The following MTOR variants were observed in gnomAD, a reference collection of about 807,000 sequenced individuals.
The protein encoded by MTOR is mechanistic target of rapamycin kinase.
In MTOR, 70 loss-of-function variants were observed where a neutral mutation model predicts 319.8. That is an observed-to-expected ratio of 0.22 (90% CI 0.18 to 0.27). MTOR has a LOEUF of 0.27. Ranked by LOEUF, MTOR falls within the 10% of genes least tolerant of loss-of-function variation. MTOR has a pLI of 1.00. For synonymous variants in MTOR, 1,183 were observed against 1,211.4 expected (o/e 0.98, Z 0.49); for missense variants, 1,890 against 3,274.4 (o/e 0.58, Z 10.32).
rs570279584 is a variant in MTOR at position 11,184,592 on chromosome 1, G to T, written c.4253+14666C>A. Among the ~76,000 whole-genome samples, 48 of 152,192 alleles carry T rather than the reference G, an allele frequency of 3.2e-4. No homozygotes were observed. The South Asian group carries it at 7.9e-3, about 25-fold the overall frequency. On this transcript the variant is annotated intron_variant, in intron 28 of 57. Transcript: ENST00000361445. Reference sequence around the variant, plus strand: ...CAAAAAAATTTAAAAACAGGCAGGCGTGTTGGTGTGCGCTTGTATTCCCAG... The same window carrying T: ...CAAAAAAATTTAAAAACAGGCAGGCTTGTTGGTGTGCGCTTGTATTCCCAG...
At chr1:11,237,811 C>A in intron 13 of MTOR, 32 bp downstream of exon 13, 1 of 1,612,026 alleles carries the variant, frequency 6.2e-7, no homozygotes, top group South Asian at 1.1e-5. Context: ...CCTGTCTTCC[C>A]TGCCTGTGGG....
rs756283681 is a variant in MTOR at position 11,128,581 on chromosome 1, CAT to C, written c.5812-31_5812-30del. The C allele has an allele frequency of 3.4e-5, 54 of 1,590,576 alleles. No homozygotes were observed. The highest frequency in any genetic ancestry group is 2.2e-4 in the Admixed American group (13 of 59,864). On this transcript the variant is annotated intron_variant, in intron 41 of 57. Coordinates refer to ENST00000361445, the MANE Select transcript of MTOR (RefSeq NM_004958.4). The surrounding 1 kb of genome is among the most constrained non-coding windows in gnomAD (Gnocchi z 5.3). ...GTATTCAAAAAGACACAGTATGTAG[CAT>C]ATGAGACTTGAAACAACTAGTTATT...
intron 47 of MTOR, 100 bp downstream of exon 47, chr1:11,124,398 A>G: frequency 2.1e-6 from 3 of 1,445,802 alleles, no homozygotes; most frequent in South Asian, 1.4e-5. Flanking sequence ...CCCTAATTTT[A>G]TAGTTTTTTG....
intron 30 of MTOR, among the ~76,000 whole-genome samples, chr1:11,156,915 A>G (rs1338580587): frequency 6.6e-6 from 1 of 152,202 alleles, no homozygotes; most frequent in African/African-American, 2.4e-5. Flanking sequence ...AGCACCCCCA[A>G]GGCTGTCCTG....
chr1:11,255,093 G>T (rs1569837107), intron 5 of MTOR, among the ~76,000 whole-genome samples: 2 of 152,166 alleles, frequency 1.3e-5, no homozygotes, highest in East Asian at 3.9e-4. Context: ...TAAGAAGAAG[G>T]TACAAAGTTG....
chr1:11,144,407 C>T (rs1230824985), intron 34 of MTOR: 2 of 454,326 alleles, frequency 4.4e-6, no homozygotes, highest in Admixed American at 6.7e-5. Context: ...TACTAAAAAA[C>T]ATTTTTTTTA....
chr1:11,121,440 G>T lies in MTOR; in HGVS notation c.6811-72C>A, dbSNP rs906416267. 3.2e-5 allele frequency: 51 copies of T among 1,590,044 alleles called. No homozygotes were observed. Among genetic ancestry groups the T allele is most frequent in the Non-Finnish European group, 3.8e-5 (44 of 1,166,986 alleles). On this transcript the variant is annotated intron_variant, in intron 48 of 57. Transcript: ENST00000361445. The surrounding 1 kb of genome is among the most constrained non-coding windows in gnomAD (Gnocchi z 4.9). ...TAGTTTGGGTCCAGGAAGAAACAAG[G>T]CTTGGGGTCCAGGCAGAGCTGAGTT...
chr1:11,219,054 C>T (rs952128040), intron 19 of MTOR, among the ~76,000 whole-genome samples: 1 of 151,660 alleles, frequency 6.6e-6, no homozygotes, highest in East Asian at 1.9e-4. Context: ...ACCAGAAGTA[C>T]AAAAAAATAT....
intron 28 of MTOR, among the ~76,000 whole-genome samples, chr1:11,169,110 G>A (rs745663264): frequency 4.6e-5 from 7 of 152,144 alleles, no homozygotes; most frequent in Non-Finnish European, 7.4e-5. Context: ...TGGTAATATG[G>A]CAAGAAATTG....
intron 23 of MTOR, among the ~76,000 whole-genome samples, chr1:11,211,493 G>A (rs1168725827): frequency 1.3e-5 from 2 of 152,166 alleles, no homozygotes; most frequent in Non-Finnish European, 2.9e-5. Context: ...TTAGCCTCCT[G>A]AGTAGCTGGG....
At position 11,234,464 on chromosome 1, in the gene MTOR, A is replaced by T. The variant is rs189333069; in HGVS notation, c.2209-199T>A. Among the ~76,000 whole-genome samples the T allele has an allele frequency of 5.9e-5, 9 of 152,328 alleles. No individual in the cohort carries two copies. The East Asian group carries it at 1.7e-3, about 29-fold the overall frequency. Reference sequence around the variant, plus strand: ...CCTTAGATACAGCTGTGACAGGAAGAAAAACTATTCGAAAACCTGCTCCCT... The same window carrying T: ...CCTTAGATACAGCTGTGACAGGAAGTAAAACTATTCGAAAACCTGCTCCCT... On this transcript the variant is annotated intron_variant, in intron 13 of 57. Transcript: ENST00000361445.
rs761245507 is a variant in MTOR, at chr1:11,238,267, C to G, written c.2002+135G>C. On this transcript the variant is annotated intron_variant, in intron 12 of 57. Coordinates refer to ENST00000361445, the MANE Select transcript of MTOR (RefSeq NM_004958.4). ...GGCTACAGTAGCCATGCCTAACACGCCTTGGCAGAGAAATAGCTGAATATC... is the reference window on the plus strand; with the variant it reads ...GGCTACAGTAGCCATGCCTAACACGGCTTGGCAGAGAAATAGCTGAATATC... 2.9e-5 allele frequency: 29 copies of G among 1,009,182 alleles called. No homozygotes were observed. The African/African-American group carries it at 4.5e-4, about 16-fold the overall frequency. 62.5% of individuals were successfully genotyped at this position (1,009,182 alleles called of 1,614,324 possible).
intron 25 of MTOR, 46 bp from the exon 26 acceptor site, chr1:11,204,749 C>A: frequency 1.9e-6 from 3 of 1,574,766 alleles, no homozygotes; most frequent in Admixed American, 1.9e-5. Context: ...TTTCAAGGGC[C>A]AATTGAAAAA....
At chr1:11,224,140 G>A (rs576567658) in intron 19 of MTOR, among the ~76,000 whole-genome samples, 2 of 151,908 alleles carry the variant, frequency 1.3e-5, no homozygotes, top group South Asian at 2.1e-4. Context: ...GAATGCACTG[G>A]TTAAAAGACA....
chr1:11,257,671 A>G (rs892702361), intron 3 of MTOR, among the ~76,000 whole-genome samples: 2 of 152,222 alleles, frequency 1.3e-5, no homozygotes, highest in Admixed American at 6.5e-5. Context: ...TTTAACCCAG[A>G]TATTTAATAC....
In MTOR at chr1:11,256,045, T is replaced by G. The variant is rs1052339503; in HGVS notation, c.652A>C (p.Ile218Leu). ...GAVAALRACL[I>L]LTTQREPKEM... Reference sequence around the variant, plus strand: ...TTCGGCTCACGCTGGGTTGTGAGAATCAGACAGGCACGAAGGGCGGCTACA... The same window carrying G: ...TTCGGCTCACGCTGGGTTGTGAGAAGCAGACAGGCACGAAGGGCGGCTACA... The change falls in exon 5 of 58, where the codon ATT becomes CTT. Residue 218 changes from isoleucine to leucine, a missense_variant. Transcript: ENST00000361445. The G allele has an allele frequency of 1.1e-5, 18 of 1,614,092 alleles. No homozygotes were observed. The highest frequency in any genetic ancestry group is 1.4e-5 in the Non-Finnish European group (17 of 1,180,026).
At chr1:11,258,647 G>T in intron 2 of MTOR, 54 bp from the exon 3 acceptor site, 1 of 1,373,108 alleles carries the variant, frequency 7.3e-7, no homozygotes. Flanking sequence ...AACTGTGGTG[G>T]TGGGAGTGGG....
intron 38 of MTOR, chr1:11,131,683 C>G (rs1643168384): frequency 6.6e-6 from 1 of 152,208 alleles, no homozygotes; most frequent in Non-Finnish European, 1.5e-5. Flanking sequence ...CTCTGGGGTT[C>G]TGAGCGGCAA....
intron 28 of MTOR, among the ~76,000 whole-genome samples, chr1:11,171,280 C>CTTCT (rs1308019537): frequency 1.1e-4 from 17 of 151,126 alleles, no homozygotes; most frequent in Admixed American, 9.9e-4. Context: ...ATTTTCTTTT[C>CTTCT]TTCTTTCTTT....
Sources: gnomAD v4.1 joint callset for allele counts (sites outside exome capture counted in the v4.1 genomes callset) on GRCh38, gnomAD v4.1.1 for gene constraint, Gnocchi (gnomAD v3.1) non-coding constraint, MANE v1.5 for transcripts, NCBI Gene and HGNC (gene_info 2026-07-23, HGNC 2026-07-21) for gene names.